PHF21A: variants seen among roughly 807,000 people sequenced by gnomAD.
The protein encoded by PHF21A is BHC80a.
In PHF21A, 11 loss-of-function variants were observed where a neutral mutation model predicts 82.5. The observed-to-expected ratio is 0.13, with a 90% CI of 0.08 to 0.22. The LOEUF is 0.22. Among genes scored for constraint, PHF21A ranks in the 10% least tolerant of loss-of-function variants. PHF21A has a pLI of 1.00. For synonymous variants in PHF21A, 297 were observed against 302.8 expected, an observed-to-expected ratio of 0.98 and a Z score of 0.20; for missense variants, 579 against 837.8, an observed-to-expected ratio of 0.69 and a Z score of 3.81.
intron 6 of PHF21A, among the ~76,000 whole-genome samples, chr11:46,060,288 A>G (rs2096518305): frequency 6.6e-6 from 1 of 152,158 alleles, no homozygotes; most frequent in South Asian, 2.1e-4. Context: ...ATAAGCCACT[A>G]CACCCCAACC....
rs2094204684 is a variant in PHF21A at position 45,979,859 on chromosome 11, T to C, written c.261A>G (p.Ala87=). 6.2e-7 allele frequency: 1 copy of C among 1,614,202 alleles called. No homozygotes were observed. Among genetic ancestry groups the C allele is most frequent in the East Asian group, 2.2e-5 (1 of 44,882 alleles). ...GTAGTTGCTGTAGTGGTTGCTGCTG[T>C]GCTGTTTGTAGTTTGTTTTCAGATT... is the stretch of plus-strand genomic sequence containing the variant. The part of the protein sequence containing the change: ...LPQSENKLQT[A]QQQPLQQLQQ... The change falls in exon 7 of 19, where the codon GCA becomes GCG. Residue 87 remains alanine, a synonymous_variant. Coordinates refer to ENST00000676320, the MANE Select transcript of PHF21A (RefSeq NM_001352027.3).
chr11:46,023,303 C>T (rs149701129), intron 6 of PHF21A, among the ~76,000 whole-genome samples: 10 of 152,266 alleles, frequency 6.6e-5, no homozygotes, highest in African/African-American at 1.9e-4. Context: ...TTACTGAGGC[C>T]CCTTCTATTT....
intron 15 of PHF21A, among the ~76,000 whole-genome samples, chr11:45,942,418 G>A (rs893455758): frequency 3.3e-5 from 5 of 152,162 alleles, no homozygotes; most frequent in Non-Finnish European, 7.3e-5. Flanking sequence ...ACCCTAGAGG[G>A]AGAGCTCTAC....
rs2088056212 is a variant in PHF21A at position 45,933,873 on chromosome 11, G to A, written c.*95C>T. ...GGAACCAAAGAACCAAAAGAATTCT[G>A]CACTTTCCAGAAATCCGGCTTTGCT... On this transcript the variant is annotated 3_prime_UTR_variant, in exon 19 of 19. Coordinates refer to ENST00000676320, the MANE Select transcript of PHF21A (RefSeq NM_001352027.3). 10 of 1,240,002 alleles carry A rather than the reference G, an allele frequency of 8.1e-6. No individual in the cohort carries two copies. Among genetic ancestry groups the A allele is most frequent in the Non-Finnish European group, 1.1e-5 (10 of 906,632 alleles). 76.8% of individuals were successfully genotyped at this position (1,240,002 alleles called of 1,614,324 possible).
At chr11:45,938,579 C>T (rs1270538098) in intron 15 of PHF21A, among the ~76,000 whole-genome samples, 2 of 152,166 alleles carry the variant, frequency 1.3e-5, no homozygotes, top group South Asian at 2.1e-4. Flanking sequence ...AACCTCCGTA[C>T]TGAACCCTAT....
intron 3 of PHF21A, among the ~76,000 whole-genome samples, chr11:46,088,531 C>T (rs565393782): frequency 6.6e-6 from 1 of 152,242 alleles, no homozygotes; most frequent in South Asian, 2.1e-4. Context: ...GCACATTCAC[C>T]ATCCCAAAAA....
chr11:45,940,415 C>T (rs1450669986), intron 15 of PHF21A, among the ~76,000 whole-genome samples: 2 of 152,066 alleles, frequency 1.3e-5, no homozygotes, highest in East Asian at 1.9e-4. Context: ...AGGCTGGTCT[C>T]GAACTCCTGA....
At chr11:45,976,843 C>CA (rs995411798) in intron 7 of PHF21A, among the ~76,000 whole-genome samples, 1 of 152,096 alleles carries the variant, frequency 6.6e-6, no homozygotes, top group African/African-American at 2.4e-5. Flanking sequence ...AAAAAACAAA[C>CA]AAACAAACAC....
intron 6 of PHF21A, among the ~76,000 whole-genome samples, chr11:46,021,839 C>G (rs978796206): frequency 3.9e-5 from 6 of 152,206 alleles, no homozygotes; most frequent in Non-Finnish European, 7.3e-5. Flanking sequence ...TAGGCATGAG[C>G]CACCATGCCT....
intron 11 of PHF21A, 109 bp from the exon 12 acceptor site, chr11:45,950,366 A>G: frequency 2.6e-6 from 2 of 780,440 alleles, no homozygotes; most frequent in South Asian, 1.7e-5. Context: ...GGCGGGTCTC[A>G]TGAATGCACA....
intron 6 of PHF21A, among the ~76,000 whole-genome samples, chr11:45,994,257 C>G (rs1325068048): frequency 6.6e-6 from 1 of 152,108 alleles, no homozygotes; most frequent in Non-Finnish European, 1.5e-5. Context: ...TAAATCATAG[C>G]AAACTTTACT....
At position 45,945,905 on chromosome 11, in the gene PHF21A, C is replaced by G; in HGVS notation, c.1387G>C (p.Glu463Gln). ...GGTGCAGGGAAAGTGAATGTGGTCT[C>G]TGTCTTTTCATTTTCAGGGGAGTCA... ...HPDSPENEKT[E>Q]TTFTFPAPVQ... The change falls in exon 15 of 19, where the codon GAG (glutamate) becomes CAG (glutamine). Residue 463 changes from glutamate (E) to glutamine (Q), a missense_variant. Glu to Gln is a conservative substitution (Grantham distance 29). Coordinates refer to ENST00000676320, the MANE Select transcript of PHF21A (RefSeq NM_001352027.3). 1 of 1,612,528 alleles carries G rather than the reference C, an allele frequency of 6.2e-7. No homozygotes were observed. Among genetic ancestry groups the G allele is most frequent in the Non-Finnish European group, 8.5e-7 (1 of 1,179,360 alleles).
chr11:46,099,981 C>T (rs1231195692), intron 1 of PHF21A, among the ~76,000 whole-genome samples: 1 of 152,176 alleles, frequency 6.6e-6, no homozygotes, highest in Non-Finnish European at 1.5e-5. Context: ...CTCACCACTG[C>T]TATCCTTAAT....
chr11:45,949,163 G>A (rs1431304372), intron 13 of PHF21A, among the ~76,000 whole-genome samples: 1 of 152,206 alleles, frequency 6.6e-6, no homozygotes, highest in Non-Finnish European at 1.5e-5. Context: ...CAGCTGTATT[G>A]AAGTCAGGGT....
At position 45,936,653 on chromosome 11, in the gene PHF21A, C is replaced by T. The variant is rs1461416745; in HGVS notation, c.1609-84G>A. On this transcript the variant is annotated intron_variant, in intron 16 of 18. Transcript: ENST00000676320. ...TAACAGCTAGCAGTGGTATCTGTGG[C>T]TACTGGCAGATAAAATCCAGGAAGG... The T allele has an allele frequency of 4.6e-6, 4 of 874,852 alleles. No homozygotes were observed. The Admixed American group carries it at 7.4e-5, about 16-fold the overall frequency. 54.2% of individuals were successfully genotyped at this position (874,852 alleles called of 1,614,324 possible).
At chr11:46,094,877 C>T (rs989708077) in intron 1 of PHF21A, among the ~76,000 whole-genome samples, 9 of 152,148 alleles carry the variant, frequency 5.9e-5, no homozygotes, top group East Asian at 3.9e-4. Flanking sequence ...TCCAGCCTGG[C>T]GACAGAGTGA....
intron 6 of PHF21A, among the ~76,000 whole-genome samples, chr11:46,068,316 T>C (rs1487704172): frequency 6.6e-6 from 1 of 152,014 alleles, no homozygotes; most frequent in East Asian, 1.9e-4. Context: ...GATAAAGAAG[T>C]CTGAAAAGCA....
intron 6 of PHF21A, among the ~76,000 whole-genome samples, 156 bp from the exon 7 acceptor site, chr11:45,980,122 T>G (rs2094215296): frequency 6.6e-6 from 1 of 152,208 alleles, no homozygotes; most frequent in South Asian, 2.1e-4. Flanking sequence ...CTTAAAGCAT[T>G]TAATATACAT....
intron 3 of PHF21A, among the ~76,000 whole-genome samples, chr11:46,085,184 A>G (rs2096842184): frequency 1.3e-5 from 2 of 152,240 alleles, no homozygotes; most frequent in South Asian, 4.1e-4. Context: ...ACAATGCAAT[A>G]TAACTGTACT....
Sources: gnomAD v4.1 joint callset for allele counts (sites outside exome capture counted in the v4.1 genomes callset) on GRCh38, gnomAD v4.1.1 for gene constraint, MANE v1.5 for transcripts, NCBI Gene and HGNC (gene_info 2026-07-23, HGNC 2026-07-21) for gene names.